Variants in ZNF329 observed in about 807,000 individuals in gnomAD.
The protein encoded by ZNF329 is zinc finger protein 329.
A neutral mutation model predicts 26.6 loss-of-function variants in ZNF329; 15 were observed. The observed-to-expected ratio is 0.56, with a 90% confidence interval of 0.38 to 0.87. ZNF329 has a LOEUF of 0.87. ZNF329 is among the 40% of genes least tolerant of loss of function. The probability of loss-of-function intolerance (pLI) is 0.00; values close to 1 mark genes in which losing one functional copy is unlikely to be tolerated. For synonymous variants in ZNF329, 239 were observed against 233.5 expected, an observed-to-expected ratio of 1.02 and a Z score of -0.21; for missense variants, 651 against 651.9, an observed-to-expected ratio of 1.00 and a Z score of 0.02.
At chr19:58,148,662 G>C (rs943107685) in intron 1 of ZNF329, among the ~76,000 whole-genome samples, 1 of 151,984 alleles carries the variant, frequency 6.6e-6, no homozygotes, top group Non-Finnish European at 1.5e-5. Context: ...AGAACAGTCT[G>C]GGCAACATAG....
chr19:58,148,008 A>T (rs1010840058), intron 1 of ZNF329, among the ~76,000 whole-genome samples: 2 of 152,132 alleles, frequency 1.3e-5, no homozygotes, highest in African/African-American at 4.8e-5. Flanking sequence ...GTCTGTGCAG[A>T]AAGTAGACAT....
At chr19:58,135,159 C>T (rs2146082860) in intron 3 of ZNF329, among the ~76,000 whole-genome samples, 1 of 152,254 alleles carries the variant, frequency 6.6e-6, no homozygotes, top group Admixed American at 6.5e-5. Flanking sequence ...GTTGCCCAGG[C>T]TGGCCTCAAA....
chr19:58,153,091 G>A (rs1341511505), upstream of ZNF329, among the ~76,000 whole-genome samples: 1 of 152,094 alleles, frequency 6.6e-6, no homozygotes, highest in Admixed American at 6.6e-5. Flanking sequence ...GCTAAGTACT[G>A]TGCTGGCACA....
chr19:58,139,079 T>C (rs1600075197), intron 3 of ZNF329, among the ~76,000 whole-genome samples: 1 of 151,984 alleles, frequency 6.6e-6, no homozygotes, highest in East Asian at 1.9e-4. Flanking sequence ...AATAAAAATA[T>C]AACGATGCCT....
At chr19:58,145,095 C>T (rs1207167396) in intron 1 of ZNF329, among the ~76,000 whole-genome samples, 1 of 151,296 alleles carries the variant, frequency 6.6e-6, no homozygotes, top group Non-Finnish European at 1.5e-5. Context: ...GTGACCCGCC[C>T]GCCTCGGCCT....
At chr19:58,153,112 C>CT, upstream of ZNF329, among the ~76,000 whole-genome samples, 1 of 151,992 alleles carries the variant, frequency 6.6e-6, no homozygotes, top group Non-Finnish European at 1.5e-5. Flanking sequence ...AGTGTATATT[C>CT]TTTTTTGTAT....
chr19:58,140,605 T>C (rs144627841), intron 3 of ZNF329, among the ~76,000 whole-genome samples: 4,193 of 151,906 alleles, frequency 0.028, 183 homozygotes, highest in African/African-American at 0.094. Flanking sequence ...TTAGTAGAGA[T>C]GGGGTTTCAC....
At chr19:58,146,099 G>T (rs1233489578) in intron 1 of ZNF329, among the ~76,000 whole-genome samples, 1 of 151,788 alleles carries the variant, frequency 6.6e-6, no homozygotes, top group East Asian at 1.9e-4. Flanking sequence ...TTGGATCCTG[G>T]ATCAAAACAA....
intron 3 of ZNF329, among the ~76,000 whole-genome samples, chr19:58,142,000 A>G (rs2075200947): frequency 6.6e-6 from 1 of 152,154 alleles, no homozygotes; most frequent in Non-Finnish European, 1.5e-5. Context: ...AGCAGTTTGC[A>G]GTGAGCCCTG....
At chr19:58,132,022 CAAAAA>C (rs11317433) in intron 3 of ZNF329, among the ~76,000 whole-genome samples, 2 of 98,986 alleles carry the variant, frequency 2.0e-5, no homozygotes, top group Non-Finnish European at 2.1e-5. Context: ...GACTCTGCCT[CAAAAA>C]AAAAAAAAAA....
At chr19:58,152,671 A>G (rs978908304), upstream of ZNF329, among the ~76,000 whole-genome samples, 1 of 152,092 alleles carries the variant, frequency 6.6e-6, no homozygotes, top group African/African-American at 2.4e-5. Context: ...CAGCCTGGCA[A>G]ACATTGTGAA....
rs190328637 is a variant in ZNF329, at chr19:58,142,358, G to A, written c.-9+199C>T. ...AAAACAATGAATTGTACACTTAAAA[G>A]GGTAAATTGTATGCTATGTGAATTA... On this transcript the variant is annotated intron_variant, in intron 3 of 3. Coordinates refer to ENST00000598312, the MANE Select transcript of ZNF329 (RefSeq NM_024620.4). Among the ~76,000 whole-genome samples, 726 of 152,300 alleles carry A rather than the reference G, an allele frequency of 4.8e-3. 6 individuals carry two copies. The highest frequency in any genetic ancestry group is 0.015 in the African/African-American group (635 of 41,562).
chr19:58,132,040 A>G (rs926589321), intron 3 of ZNF329, among the ~76,000 whole-genome samples: 4 of 149,984 alleles, frequency 2.7e-5, no homozygotes, highest in African/African-American at 7.3e-5. Flanking sequence ...AAAAAAAAAG[A>G]AAGAAAAAAA....
chr19:58,140,414 C>CTTTT, intron 3 of ZNF329, among the ~76,000 whole-genome samples: 1 of 138,452 alleles, frequency 7.2e-6, no homozygotes, highest in Non-Finnish European at 1.5e-5. Flanking sequence ...AAAACTCTTT[C>CTTTT]TTTTTTTTTT....
At chr19:58,149,380 T>C (rs2075398241) in intron 1 of ZNF329, among the ~76,000 whole-genome samples, 1 of 152,140 alleles carries the variant, frequency 6.6e-6, no homozygotes, top group South Asian at 2.1e-4. Flanking sequence ...GAATTTTCTT[T>C]CCCAAGATAT....
intron 3 of ZNF329, among the ~76,000 whole-genome samples, chr19:58,137,709 A>AT: frequency 6.6e-6 from 1 of 151,812 alleles, no homozygotes; most frequent in South Asian, 2.1e-4. Flanking sequence ...CATACCTGTA[A>AT]TCCCAACACT....
chr19:58,145,813 A>G (rs71355833), intron 1 of ZNF329, among the ~76,000 whole-genome samples: 29,345 of 151,956 alleles, frequency 0.19, 3,136 homozygotes, highest in Middle Eastern at 0.32. Context: ...TAACCACATG[A>G]CAAAAACCTG....
At chr19:58,135,492 C>G (rs919048122) in intron 3 of ZNF329, among the ~76,000 whole-genome samples, 2 of 152,224 alleles carry the variant, frequency 1.3e-5, no homozygotes, top group African/African-American at 4.8e-5. Flanking sequence ...TCTCGCACTC[C>G]TGGCCTCAGG....
chr19:58,144,808 A>G (rs114752359), intron 1 of ZNF329, among the ~76,000 whole-genome samples: 5,445 of 149,356 alleles, frequency 0.036, 349 homozygotes, highest in African/African-American at 0.13. Context: ...CTCAGGAGCC[A>G]TGACCATAGG....
Sources: allele counts gnomAD v4.1 joint callset (sites outside exome capture counted in the v4.1 genomes callset), GRCh38; gene constraint gnomAD v4.1.1; transcripts MANE v1.5; gene names NCBI Gene and HGNC (gene_info 2026-07-23, HGNC 2026-07-21).